The following HOXD11 variants were observed in gnomAD, a reference collection of about 807,000 sequenced individuals.
The protein encoded by HOXD11 is homeobox protein Hox-D11.
In HOXD11, 16 loss-of-function variants were observed where a neutral mutation model predicts 23.1. That is an observed-to-expected ratio of 0.69 (90% CI 0.47 to 1.05). HOXD11 has a LOEUF of 1.05. HOXD11 is among the 50% of genes least tolerant of loss of function. HOXD11 has a pLI of 0.00. For synonymous variants in HOXD11, 262 were observed against 224.4 expected (o/e 1.17, Z -1.50); for missense variants, 564 against 495.6 (o/e 1.14, Z -1.31).
At chr2:176,111,843 A>AC (rs1265865368), downstream of HOXD11, among the ~76,000 whole-genome samples, 2 of 148,208 alleles carry the variant, frequency 1.3e-5, no homozygotes, top group East Asian at 3.9e-4. Flanking sequence ...AAAAAAAAAA[A>AC]AAAAAACCTT....
rs755994512 is a variant in HOXD11 at position 176,109,074 on chromosome 2, C to T, written c.949C>T (p.Arg317Cys). The T allele has an allele frequency of 6.2e-6, 10 of 1,614,092 alleles. No individual in the cohort carries two copies. The Admixed American group carries it at 1.3e-4, about 22-fold the overall frequency. ...DRQVKIWFQN[R>C]RMKEKKLNRD... ...GCAAGTCAAAATCTGGTTCCAGAATCGCAGGATGAAAGAAAAGAAACTGAA... is the reference window on the plus strand; with the variant it reads ...GCAAGTCAAAATCTGGTTCCAGAATTGCAGGATGAAAGAAAAGAAACTGAA... Residue 317 changes from arginine (R) to cysteine (C), a missense_variant, in exon 2 of 2, where the codon CGC becomes TGC. Coordinates refer to ENST00000249504, the MANE Select transcript of HOXD11 (RefSeq NM_021192.3).
At chr2:176,108,658 T>G in intron 1 of HOXD11, 4 of 495,410 alleles carry the variant, frequency 8.1e-6, no homozygotes, top group Non-Finnish European at 1.4e-5. Context: ...CGTGCCAGGC[T>G]CTGTGTGTGT....
intron 1 of HOXD11, chr2:176,108,659 C>CTCTG (rs1317895150): frequency 1.2e-5 from 4 of 325,966 alleles, no homozygotes; most frequent in Non-Finnish European, 1.7e-5. Flanking sequence ...GTGCCAGGCT[C>CTCTG]TGTGTGTGTG....
Position 176,109,233 on chromosome 2 carries a change from A to G in HOXD11, c.*91A>G. 1 of 779,126 alleles carries G rather than the reference A, an allele frequency of 1.3e-6. No individual in the cohort carries two copies. The highest frequency in any genetic ancestry group is 1.6e-5 in the South Asian group (1 of 61,752). 48.3% of individuals were successfully genotyped at this position (779,126 alleles called of 1,614,324 possible). ...CGCAGGCCCACTGTCCTTGGGTTTA[A>G]TGACGTCTCTTCTCTGTGGAACTTC... On this transcript the variant is annotated 3_prime_UTR_variant, in exon 2 of 2. Coordinates refer to ENST00000249504, the MANE Select transcript of HOXD11 (RefSeq NM_021192.3).
downstream of HOXD11, among the ~76,000 whole-genome samples, chr2:176,111,697 T>G (rs916796522): frequency 1.3e-5 from 2 of 151,274 alleles, no homozygotes; most frequent in Admixed American, 6.6e-5. Flanking sequence ...AAGATAAATG[T>G]ATGCATTTTG....
In HOXD11 at chr2:176,109,619, T is replaced by G. The variant is rs1689647470; in HGVS notation, c.*477T>G. On this transcript the variant is annotated 3_prime_UTR_variant, in exon 2 of 2. Transcript: ENST00000249504. ...GAGTCACTGTCTTTTTTTGTGTGAATAAATGGTTTCTAGTAAAATGGAGGT... is the reference window on the plus strand; with the variant it reads ...GAGTCACTGTCTTTTTTTGTGTGAAGAAATGGTTTCTAGTAAAATGGAGGT... 4.4e-6 allele frequency: 1 copy of G among 225,326 alleles called. No individual in the cohort carries two copies. The highest frequency in any genetic ancestry group is 8.8e-6 in the Non-Finnish European group (1 of 113,196). 14.0% of individuals were successfully genotyped at this position (225,326 alleles called of 1,614,324 possible).
downstream of HOXD11, among the ~76,000 whole-genome samples, chr2:176,111,838 A>AAAAAAAAAAAAAAC (rs1559115516): frequency 1.4e-5 from 2 of 147,902 alleles, no homozygotes; most frequent in African/African-American, 5.0e-5. Context: ...AAAAAAAAAA[A>AAAAAAAAAAAAAAC]AAAAAAAAAA....
the HOXD11 span, among the ~76,000 whole-genome samples, chr2:176,115,654 T>A: frequency 6.6e-6 from 1 of 152,222 alleles, no homozygotes; most frequent in Non-Finnish European, 1.5e-5. Context: ...TATGTATTAA[T>A]AAATTCCACA....
chr2:176,114,703 C>T (rs538568398), downstream of HOXD11, among the ~76,000 whole-genome samples: 2 of 152,258 alleles, frequency 1.3e-5, no homozygotes, highest in South Asian at 2.1e-4. Flanking sequence ...AAGGAGCGGG[C>T]GGGCTACTAG....
chr2:176,109,315 C>G lies in HOXD11; in HGVS notation c.*173C>G. 1.7e-6 allele frequency: 1 copy of G among 603,202 alleles called. No individual in the cohort carries two copies. Among genetic ancestry groups the G allele is most frequent in the Non-Finnish European group, 3.0e-6 (1 of 338,724 alleles). The allele number at this position is 603,202 out of a possible 1,614,324, so 37.4% of individuals were successfully genotyped here. On this transcript the variant is annotated 3_prime_UTR_variant, in exon 2 of 2. Coordinates refer to ENST00000249504, the MANE Select transcript of HOXD11 (RefSeq NM_021192.3). ...CCCAGCGACCACTGCAGCCTGCGGA[C>G]GAGGCCGGGACTTGGCCGAGCGGAT...
At position 176,107,540 on chromosome 2, in the gene HOXD11, C is replaced by A. The variant is rs1270750302; in HGVS notation, c.185C>A (p.Ala62Asp). The A allele has an allele frequency of 5.0e-6, 8 of 1,612,566 alleles. No homozygotes were observed. The highest frequency in any genetic ancestry group is 6.8e-6 in the Non-Finnish European group (8 of 1,179,498). Residue 62 changes from alanine (A) to aspartate (D), a missense_variant, in exon 1 of 2, where the codon GCC becomes GAC. Physicochemically the swap from Ala to Asp is moderately radical, Grantham distance 126 (BLOSUM62 -2). Transcript: ENST00000249504. ...CACGTCCAGCCCGTGCGCGAAGTGG[C>A]CTTCCGCGACTACGGCCTGGAGCGC... ...APHVQPVREV[A>D]FRDYGLERAK...
chr2:176,109,173 C>A lies in HOXD11; in HGVS notation c.*31C>A. On this transcript the variant is annotated 3_prime_UTR_variant, in exon 2 of 2. Transcript: ENST00000249504. Reference sequence around the variant, plus strand: ...CCAGGAAGCGCCCTCACCCCAGCCCCACTCACCCACCCTCCTTCCCACCAG... The same window carrying A: ...CCAGGAAGCGCCCTCACCCCAGCCCAACTCACCCACCCTCCTTCCCACCAG... 1 of 1,338,192 alleles carries A rather than the reference C, an allele frequency of 7.5e-7. No homozygotes were observed. Among genetic ancestry groups the A allele is most frequent in the Non-Finnish European group, 1.1e-6 (1 of 929,988 alleles). The allele number at this position is 1,338,192 out of a possible 1,614,324, so 82.9% of individuals were successfully genotyped here. A position where few individuals can be genotyped will look rare whatever the true frequency, so the allele number is the denominator to read the frequency against.
Position 176,108,915 on chromosome 2 carries a change from C to T in HOXD11, c.790C>T (p.Gln264Ter). The T allele has an allele frequency of 6.2e-7, 1 of 1,613,384 alleles. No homozygotes were observed. The change falls in exon 2 of 2, where the codon CAG becomes TAG. Residue 264 changes from glutamine to a stop codon, truncating the protein, a stop_gained. Transcript: ENST00000249504. LOFTEE classifies it high-confidence loss of function. ...AEKSSSAVAP[Q>*]RSRKKRCPYT... ...GTCTCTTTGCCTTGCAGTTGCCCCC[C>T]AGCGGTCCCGGAAAAAGCGCTGTCC...
In HOXD11 at chr2:176,109,137, T is replaced by G; in HGVS notation, c.1012T>G (p.Phe338Val). 6.2e-7 allele frequency: 1 copy of G among 1,605,496 alleles called. No homozygotes were observed. The highest frequency in any genetic ancestry group is 1.1e-5 in the South Asian group (1 of 90,878). ...GCAGTATTTCACTGGAAACCCCTTA[T>G]TTTGAGAGCTCCAGGAAGCGCCCTC... ...RLQYFTGNPL[F>V] Residue 338 changes from phenylalanine to valine, a missense_variant, in exon 2 of 2, where the codon TTT becomes GTT. By Grantham distance (50) the Phe-to-Val change is conservative (BLOSUM62 -1). Transcript: ENST00000249504.
chr2:176,110,725 A>G (rs561055950), downstream of HOXD11, among the ~76,000 whole-genome samples: 1 of 152,342 alleles, frequency 6.6e-6, no homozygotes, highest in East Asian at 1.9e-4. Flanking sequence ...TCACACATAT[A>G]GAGAGCCACA....
downstream of HOXD11, among the ~76,000 whole-genome samples, chr2:176,113,429 G>T (rs1689703746): frequency 6.6e-6 from 1 of 152,202 alleles, no homozygotes. Context: ...GTACAAATAT[G>T]GGTATTCATC....
At position 176,107,421 on chromosome 2, in the gene HOXD11, T is replaced by A; in HGVS notation, c.66T>A (p.Tyr22Ter). Residue 22 changes from tyrosine to a stop codon, truncating the protein, a stop_gained, in exon 1 of 2, where the codon TAT becomes TAA. Coordinates refer to ENST00000249504, the MANE Select transcript of HOXD11 (RefSeq NM_021192.3). LOFTEE classifies it high-confidence loss of function. ...ASMYLPGCAY[Y>*]VAPSDFASKP... ...TGTACCTGCCGGGCTGCGCCTACTA[T>A]GTGGCCCCGTCTGACTTCGCTAGCA... 6.2e-7 allele frequency: 1 copy of A among 1,613,816 alleles called. No homozygotes were observed. Among genetic ancestry groups the A allele is most frequent in the South Asian group, 1.1e-5 (1 of 91,046 alleles).
downstream of HOXD11, among the ~76,000 whole-genome samples, chr2:176,109,946 T>C (rs1205995690): frequency 6.6e-6 from 1 of 152,180 alleles, no homozygotes; most frequent in African/African-American, 2.4e-5. Flanking sequence ...CTAGTGAACT[T>C]GGGATTTCTG....
Position 176,109,230 on chromosome 2 carries a change from T to A in HOXD11, c.*88T>A, listed in dbSNP as rs1389852641. ...CTCCGCAGGCCCACTGTCCTTGGGTTTAATGACGTCTCTTCTCTGTGGAAC... is the reference window on the plus strand; with the variant it reads ...CTCCGCAGGCCCACTGTCCTTGGGTATAATGACGTCTCTTCTCTGTGGAAC... On this transcript the variant is annotated 3_prime_UTR_variant, in exon 2 of 2. Transcript: ENST00000249504. The A allele has an allele frequency of 2.5e-6, 2 of 792,284 alleles. No homozygotes were observed. The highest frequency in any genetic ancestry group is 4.3e-6 in the Non-Finnish European group (2 of 462,410). 49.1% of individuals were successfully genotyped at this position (792,284 alleles called of 1,614,324 possible).
Sources: gnomAD v4.1 joint callset for allele counts (sites outside exome capture counted in the v4.1 genomes callset) on GRCh38, gnomAD v4.1.1 for gene constraint, MANE v1.5 for transcripts, NCBI Gene and HGNC (gene_info 2026-07-23, HGNC 2026-07-21) for gene names.